ATP8A2: variants seen among roughly 807,000 people sequenced by gnomAD.
ATP8A2 encodes ATPase phospholipid transporting 8A2, also known as phospholipid-transporting ATPase IB.
ATP8A2 carries 100 observed loss-of-function variants against 165.6 expected under a neutral mutation model. The observed-to-expected ratio is 0.60, with a 90% CI of 0.51 to 0.71. The LOEUF is 0.71. ATP8A2 is among the 30% of genes least tolerant of loss of function. The probability of loss-of-function intolerance (pLI) is 0.00; values close to 1 mark genes in which losing one functional copy is unlikely to be tolerated. For missense variants in ATP8A2, 1,227 were observed against 1,479.5 expected (o/e 0.83, Z 2.80); for synonymous variants, 543 against 548.8 (o/e 0.99, Z 0.15).
intron 33 of ATP8A2, among the ~76,000 whole-genome samples, chr13:25,938,118 G>A (rs1442370436): frequency 6.6e-6 from 1 of 151,542 alleles, no homozygotes; most frequent in East Asian, 1.9e-4. Context: ...TTCCATTAGG[G>A]TACAATGAGA....
intron 2 of ATP8A2, among the ~76,000 whole-genome samples, chr13:25,522,487 G>A (rs912639270): frequency 2.6e-5 from 4 of 152,186 alleles, no homozygotes; most frequent in Middle Eastern, 3.4e-3. Flanking sequence ...TCATGTTCCA[G>A]ATCTTAGAGG....
At chr13:25,456,852 C>T (rs564272241) in intron 1 of ATP8A2, among the ~76,000 whole-genome samples, 1 of 152,232 alleles carries the variant, frequency 6.6e-6, no homozygotes, top group Non-Finnish European at 1.5e-5. Flanking sequence ...TTACTGAATT[C>T]TTATACATGT....
At chr13:25,834,651 A>G (rs1951558926) in intron 28 of ATP8A2, among the ~76,000 whole-genome samples, 1 of 152,240 alleles carries the variant, frequency 6.6e-6, no homozygotes, top group Non-Finnish European at 1.5e-5. Flanking sequence ...ATGATGAAGA[A>G]AAATGTGTGT....
At position 25,757,586 on chromosome 13, in the gene ATP8A2, CCTCT is replaced by C. The variant is rs555544311; in HGVS notation, c.2385-11453_2385-11450del. Among the ~76,000 whole-genome samples, 45 of 152,110 alleles carry C rather than the reference CCTCT, an allele frequency of 3.0e-4. No individual in the cohort carries two copies. The South Asian group carries it at 7.1e-3, about 24-fold the overall frequency. On this transcript the variant is annotated intron_variant, in intron 25 of 36. Coordinates refer to ENST00000381655, the MANE Select transcript of ATP8A2 (RefSeq NM_016529.6). ...GCTGCTTGCTACTCCACTGCCTTAACCTCTCTCTCTATCACACTCAGTCGCAGTT... is the reference window on the plus strand; with the variant it reads ...GCTGCTTGCTACTCCACTGCCTTAACCTCTCTATCACACTCAGTCGCAGTT...
At chr13:25,738,918 G>T (rs1277147003) in intron 25 of ATP8A2, among the ~76,000 whole-genome samples, 2 of 148,698 alleles carry the variant, frequency 1.3e-5, no homozygotes, top group African/African-American at 2.5e-5. Flanking sequence ...GTACATTATT[G>T]TGATGGTAAC....
At chr13:25,502,780 G>A (rs998215483) in intron 2 of ATP8A2, among the ~76,000 whole-genome samples, 7 of 152,182 alleles carry the variant, frequency 4.6e-5, no homozygotes, top group African/African-American at 1.7e-4. Flanking sequence ...GGCACTGCAC[G>A]ATGTCATGGC....
At chr13:25,666,089 T>G (rs1450543483) in intron 24 of ATP8A2, among the ~76,000 whole-genome samples, 1 of 152,040 alleles carries the variant, frequency 6.6e-6, no homozygotes, top group Non-Finnish European at 1.5e-5. Flanking sequence ...TTTCATGTAT[T>G]CAAGTATTGT....
chr13:25,846,698 G>A lies in ATP8A2; in HGVS notation c.2956+7074G>A, dbSNP rs566321553. ...AGGGAGCTGTGCAGTCTGATTTATT[G>A]TAATATAACCACACAGGCCAGGATA... On this transcript the variant is annotated intron_variant, in intron 30 of 36. Coordinates refer to ENST00000381655, the MANE Select transcript of ATP8A2 (RefSeq NM_016529.6). Among the ~76,000 whole-genome samples, 7 of 152,292 alleles carry A rather than the reference G, an allele frequency of 4.6e-5. No homozygotes were observed. The South Asian group carries it at 1.0e-3, about 23-fold the overall frequency.
At chr13:25,444,548 T>C (rs2035019259) in intron 1 of ATP8A2, among the ~76,000 whole-genome samples, 2 of 152,194 alleles carry the variant, frequency 1.3e-5, no homozygotes, top group South Asian at 4.1e-4. Flanking sequence ...GTTGCTCTTC[T>C]TTTTAAACCA....
intron 33 of ATP8A2, among the ~76,000 whole-genome samples, chr13:25,895,596 T>A (rs1444654096): frequency 1.3e-5 from 2 of 152,224 alleles, no homozygotes; most frequent in African/African-American, 4.8e-5. Flanking sequence ...TGGAATAGTT[T>A]CAGAAGGAAT....
At position 25,579,844 on chromosome 13, in the gene ATP8A2, C is replaced by G. The variant is rs774565233; in HGVS notation, c.1904C>G (p.Ser635Cys). 1.9e-5 allele frequency: 31 copies of G among 1,613,994 alleles called. No homozygotes were observed. Among genetic ancestry groups the G allele is most frequent in the Non-Finnish European group, 2.6e-5 (31 of 1,179,974 alleles). ...CTCTGTGTGGCTTATGCTGATCTCT[C>G]TGAGAATGAGTATGAGGAGTGGCTG... ...RTLCVAYADL[S>C]ENEYEEWLKV... Residue 635 changes from serine to cysteine, a missense_variant, in exon 22 of 37, where the codon TCT becomes TGT. Ser to Cys is a moderately radical substitution (Grantham distance 112, BLOSUM62 -1). Transcript: ENST00000381655.
intron 4 of ATP8A2, 147 bp from the exon 5 acceptor site, chr13:25,532,125 A>G: frequency 1.5e-6 from 1 of 683,610 alleles, no homozygotes; most frequent in Non-Finnish European, 2.6e-6. Flanking sequence ...GATAGATCAC[A>G]AAATTGTCTA....
At position 25,420,344 on chromosome 13, in the gene ATP8A2, G is replaced by A. The variant is rs369016069; in HGVS notation, c.76+48056G>A. 3.9e-5 allele frequency among the ~76,000 whole-genome samples: 6 copies of A among 152,348 alleles called. No homozygotes were observed. In the South Asian group the frequency reaches 1.2e-3, roughly 32 times the overall value. ...GGGGCTCCGTGGCCATCAAAGACAA[G>A]GATGAAGTGGGACCAGGTGGCCAGG... On this transcript the variant is annotated intron_variant, in intron 1 of 36. Transcript: ENST00000381655.
chr13:25,442,513 A>G (rs2034959290), intron 1 of ATP8A2, among the ~76,000 whole-genome samples: 3 of 152,164 alleles, frequency 2.0e-5, no homozygotes, highest in East Asian at 1.9e-4. Flanking sequence ...TCCTGGGCTC[A>G]TGTGATCTCC....
chr13:25,450,570 C>T (rs1213985912), intron 1 of ATP8A2, among the ~76,000 whole-genome samples: 3 of 152,136 alleles, frequency 2.0e-5, no homozygotes, highest in African/African-American at 4.8e-5. Context: ...CTCGCTCTGT[C>T]GCCCAGGCTG....
chr13:25,412,967 GC>G, intron 1 of ATP8A2, among the ~76,000 whole-genome samples: 1 of 152,188 alleles, frequency 6.6e-6, no homozygotes, highest in Non-Finnish European at 1.5e-5. Context: ...ACAGGTGTGT[GC>G]CACCACACCT....
rs920039996 is a variant in ATP8A2, at chr13:25,968,661, G to A, written c.3359G>A (p.Arg1120Gln). 16 of 1,613,258 alleles carry A rather than the reference G, an allele frequency of 9.9e-6. No individual in the cohort carries two copies. Among genetic ancestry groups the A allele is most frequent in the East Asian group, 2.2e-5 (1 of 44,898 alleles). The change falls in exon 35 of 37, where the codon CGG (arginine) becomes CAG (glutamine). Residue 1120 changes from arginine (R) to glutamine (Q), a missense_variant. Physicochemically the swap from Arg to Gln is conservative, Grantham distance 43. Around this residue, in one of 5 missense-constraint regions of ATP8A2, gnomAD observed 260 missense variants for 245.1 expected, o/e 1.06. Transcript: ENST00000381655. ...KSRVLGKAVL[R>Q]DSNGKRLNER... ...CGAGTCCTGGGAAAAGCGGTGCTGCGGGATAGCAATGGAAAGAGGTGGGGA... is the reference window on the plus strand; with the variant it reads ...CGAGTCCTGGGAAAAGCGGTGCTGCAGGATAGCAATGGAAAGAGGTGGGGA...
intron 10 of ATP8A2, among the ~76,000 whole-genome samples, chr13:25,544,773 A>C (rs1049698681): frequency 9.9e-5 from 15 of 152,122 alleles, no homozygotes; most frequent in Admixed American, 9.8e-4. Flanking sequence ...GATAATGATG[A>C]AGCTGGGCCA....
chr13:25,702,122 T>A (rs1239191340), intron 25 of ATP8A2, among the ~76,000 whole-genome samples: 1 of 152,200 alleles, frequency 6.6e-6, no homozygotes, highest in South Asian at 2.1e-4. Context: ...AAACATAAAG[T>A]TGACCTTAAT....
Sources: allele counts gnomAD v4.1 joint callset (sites outside exome capture counted in the v4.1 genomes callset), GRCh38; gene constraint gnomAD v4.1.1; regional missense constraint gnomAD v4.1.1; transcripts MANE v1.5; gene names NCBI Gene and HGNC (gene_info 2026-07-23, HGNC 2026-07-21).